The following HLCS variants were observed in gnomAD, a reference collection of about 807,000 sequenced individuals.
HLCS encodes holocarboxylase synthetase.
A neutral mutation model predicts 75.0 loss-of-function variants in HLCS; 53 were observed. That is an observed-to-expected ratio of 0.71 (90% CI 0.57 to 0.89). HLCS has a LOEUF of 0.89. HLCS is among the 40% of genes least tolerant of loss of function. The pLI, the probability that HLCS is intolerant of heterozygous loss-of-function variation, is 0.00. For synonymous variants in HLCS, 431 were observed against 428.6 expected (o/e 1.01, Z -0.07); for missense variants, 966 against 1,074.0 (o/e 0.90, Z 1.41).
chr21:36,896,883 G>C lies in HLCS; in HGVS notation c.1869C>G (p.Pro623=), dbSNP rs769822408. The part of the protein sequence containing the change: ...GKVILFAEVT[P]TTMRLLDGLM... ...ACCCATCCAGGAGACGCATCGTTGT[G>C]GGGGTCACTTCGGCAAACAAAATTA... Residue 623 remains proline (P), a synonymous_variant, in exon 6 of 11, where the codon CCC becomes CCG. Coordinates refer to ENST00000674895, the MANE Select transcript of HLCS (RefSeq NM_001352514.2). 1.2e-6 allele frequency: 2 copies of C among 1,614,120 alleles called. No individual in the cohort carries two copies. Among genetic ancestry groups the C allele is most frequent in the Non-Finnish European group, 1.7e-6 (2 of 1,180,004 alleles).
At chr21:36,876,074 G>A (rs2063963709) in intron 6 of HLCS, among the ~76,000 whole-genome samples, 1 of 152,124 alleles carries the variant, frequency 6.6e-6, no homozygotes, top group African/African-American at 2.4e-5. Flanking sequence ...CCCCACCGCA[G>A]CAGCCACTGT....
chr21:36,851,707 G>GC (rs1190024278), intron 6 of HLCS, among the ~76,000 whole-genome samples: 1 of 152,164 alleles, frequency 6.6e-6, no homozygotes, highest in Non-Finnish European at 1.5e-5. Flanking sequence ...AAGGATAAAT[G>GC]CTTGAGGTGA....
intron 1 of HLCS, among the ~76,000 whole-genome samples, chr21:36,989,796 C>T (rs2069309649): frequency 6.6e-6 from 1 of 152,146 alleles, no homozygotes; most frequent in Non-Finnish European, 1.5e-5. Flanking sequence ...GGGCACGCGG[C>T]CAGGGGCCCG....
At chr21:36,949,239 T>C (rs549867499) in intron 2 of HLCS, among the ~76,000 whole-genome samples, 127 of 152,344 alleles carry the variant, frequency 8.3e-4, no homozygotes, top group African/African-American at 2.8e-3. Context: ...TGGACAGGAC[T>C]GGGCAGGAAC....
chr21:36,936,649 T>G lies in HLCS; in HGVS notation c.1237A>C (p.Thr413Pro), dbSNP rs747122714. ...TTGGAGAAAACCAAGTTCTGGACTG[T>G]CTTGTGCAGTGCACCCTTGCTTGTC... ...QVTSKGALHK[T>P]VQNLVFSKAD... Residue 413 changes from threonine to proline, a missense_variant, in exon 4 of 11, where the codon ACA becomes CCA. Transcript: ENST00000674895. 59 of 1,614,092 alleles carry G rather than the reference T, an allele frequency of 3.7e-5. No individual in the cohort carries two copies. The highest frequency in any genetic ancestry group is 8.3e-5 in the Admixed American group (5 of 60,008).
intron 1 of HLCS, 85 bp downstream of exon 1, chr21:36,966,359 C>G: frequency 3.0e-6 from 2 of 672,268 alleles, no homozygotes; most frequent in Non-Finnish European, 3.7e-6. Context: ...CCCGAACTCC[C>G]GGGCTCCCGG....
At chr21:36,980,520 G>C (rs774783714) in intron 1 of HLCS, 14 of 152,232 alleles carry the variant, frequency 9.2e-5, no homozygotes, top group Non-Finnish European at 1.9e-4. Flanking sequence ...GGAAACCCGA[G>C]CCGTGGAATC....
At position 36,765,037 on chromosome 21, in the gene HLCS, G is replaced by T; in HGVS notation, c.2096C>A (p.Ala699Glu). ...CTGATACTCGGGAATGGACCTCACT[G>T]CTTCCACGACAGCCACGGACATCAG... is the stretch of plus-strand genomic sequence containing the variant. ...QHLMSVAVVE[A>E]VRSIPEYQDI... Residue 699 changes from alanine (A) to glutamate (E), a missense_variant, in exon 8 of 11, where the codon GCA becomes GAA. By Grantham distance (107) the Ala-to-Glu change is moderately radical. Coordinates refer to ENST00000674895, the MANE Select transcript of HLCS (RefSeq NM_001352514.2). The T allele has an allele frequency of 5.6e-6, 9 of 1,614,244 alleles. No individual in the cohort carries two copies. Among genetic ancestry groups the T allele is most frequent in the Non-Finnish European group, 7.6e-6 (9 of 1,180,042 alleles).
chr21:36,786,952 G>A (rs1457347088), intron 6 of HLCS, among the ~76,000 whole-genome samples: 3 of 152,194 alleles, frequency 2.0e-5, no homozygotes, highest in Admixed American at 1.3e-4. Flanking sequence ...GGCTCACTTC[G>A]GCAGGGGTGG....
At chr21:36,908,659 G>A (rs2065567298) in intron 5 of HLCS, among the ~76,000 whole-genome samples, 1 of 152,100 alleles carries the variant, frequency 6.6e-6, no homozygotes, top group Non-Finnish European at 1.5e-5. Context: ...AGCCATAAAT[G>A]ACAGCATATC....
Position 36,753,776 on chromosome 21 carries a change from A to G in HLCS, c.*470T>C. The G allele has an allele frequency of 4.9e-6, 1 of 202,588 alleles. No homozygotes were observed. Among genetic ancestry groups the G allele is most frequent in the Middle Eastern group, 2.3e-3 (1 of 434 alleles). The allele number at this position is 202,588 out of a possible 1,614,324, so 12.5% of individuals were successfully genotyped here. The stretch of plus-strand genomic sequence containing the variant: ...ACACAGAACAATGACTAAGTGTCCA[A>G]GCATGTTCTTACAGTTCAGTACCTC... On this transcript the variant is annotated 3_prime_UTR_variant, in exon 11 of 11. Transcript: ENST00000674895. The surrounding 1 kb of genome is among the most constrained non-coding windows in gnomAD (Gnocchi z 4.3).
chr21:36,794,150 G>A (rs748938978), intron 6 of HLCS, among the ~76,000 whole-genome samples: 6 of 152,308 alleles, frequency 3.9e-5, no homozygotes, highest in East Asian at 1.9e-4. Context: ...CAGATGATTC[G>A]GCAACTTTGT....
At chr21:36,896,552 T>A (rs1458799387) in intron 6 of HLCS, 2 of 417,814 alleles carry the variant, frequency 4.8e-6, no homozygotes, top group African/African-American at 2.0e-5. Flanking sequence ...TGAGCAATAA[T>A]GCCACCGGTT....
rs78671947 is a variant in HLCS, at chr21:36,754,436, G to C, written c.2451-19C>G. 1 of 1,607,714 alleles carries C rather than the reference G, an allele frequency of 6.2e-7. No homozygotes were observed. Among genetic ancestry groups the C allele is most frequent in the Admixed American group, 1.7e-5 (1 of 59,822 alleles). On this transcript the variant is annotated intron_variant, in intron 10 of 10. Coordinates refer to ENST00000674895, the MANE Select transcript of HLCS (RefSeq NM_001352514.2). Reference sequence around the variant, plus strand: ...CTGACCACTGAAAAGGAAGAACAGCGTGCGGTCACTGGGAGGTGTCACAGG... The same window carrying C: ...CTGACCACTGAAAAGGAAGAACAGCCTGCGGTCACTGGGAGGTGTCACAGG...
chr21:36,937,383 A>G lies in HLCS; in HGVS notation c.503T>C (p.Leu168Ser). The change falls in exon 4 of 11, where the codon TTG (leucine) becomes TCG (serine). Residue 168 changes from leucine (L) to serine (S), a missense_variant. Coordinates refer to ENST00000674895, the MANE Select transcript of HLCS (RefSeq NM_001352514.2). ...LVPQKIVSVH[L>S]QDSTLKEVKD... ...AACTTCCTTCAGAGTGGAGTCCTGC[A>G]AGTGCACCGCTAAGGCATGAATAGG... 6.2e-7 allele frequency: 1 copy of G among 1,613,450 alleles called. No individual in the cohort carries two copies. Among genetic ancestry groups the G allele is most frequent in the East Asian group, 2.2e-5 (1 of 44,874 alleles).
At chr21:36,880,138 G>A (rs1303388673) in intron 6 of HLCS, among the ~76,000 whole-genome samples, 2 of 152,140 alleles carry the variant, frequency 1.3e-5, no homozygotes, top group African/African-American at 4.8e-5. Flanking sequence ...CATGGTGCTG[G>A]AAACATTTGG....
At chr21:36,886,236 C>T (rs904591151) in intron 6 of HLCS, among the ~76,000 whole-genome samples, 13 of 151,652 alleles carry the variant, frequency 8.6e-5, no homozygotes, top group African/African-American at 3.2e-4. Flanking sequence ...TCGAGACCAT[C>T]CTGGTGAACA....
At chr21:36,933,488 T>C (rs1397632803) in intron 4 of HLCS, among the ~76,000 whole-genome samples, 1 of 146,706 alleles carries the variant, frequency 6.8e-6, no homozygotes, top group African/African-American at 2.5e-5. Flanking sequence ...GAAGCAGAGG[T>C]TGCAGTGAGC....
chr21:36,822,567 G>A (rs2061879146), intron 6 of HLCS, among the ~76,000 whole-genome samples: 1 of 152,056 alleles, frequency 6.6e-6, no homozygotes, highest in South Asian at 2.1e-4. Flanking sequence ...TATTTTTAAT[G>A]ATAGTAATCA....
Sources: gnomAD v4.1 joint callset for allele counts (sites outside exome capture counted in the v4.1 genomes callset) on GRCh38, gnomAD v4.1.1 for gene constraint, Gnocchi (gnomAD v3.1) non-coding constraint, MANE v1.5 for transcripts, NCBI Gene and HGNC (gene_info 2026-07-23, HGNC 2026-07-21) for gene names.